Variants in NAV2 observed in about 807,000 individuals in gnomAD.
The protein encoded by NAV2 is helicase, APC down-regulated 1.
Under a neutral mutation model 223.2 loss-of-function variants are expected in NAV2, and 54 were observed. The observed-to-expected ratio is 0.24, with a 90% CI of 0.19 to 0.30. The LOEUF (loss-of-function observed/expected upper bound fraction) is 0.30. Among genes scored for constraint, NAV2 ranks in the 10% least tolerant of loss-of-function variants. NAV2 has a pLI of 1.00. For synonymous variants in NAV2, 1,279 were observed against 1,239.3 expected (o/e 1.03, Z -0.67); for missense variants, 2,806 against 3,147.5 (o/e 0.89, Z 2.60).
Position 19,788,992 on chromosome 11 carries a change from T to G in NAV2, c.268-43492T>G, listed in dbSNP as rs1451177931. On this transcript the variant is annotated intron_variant, in intron 1 of 37. Coordinates refer to ENST00000349880, the MANE Select transcript of NAV2 (RefSeq NM_145117.5). ...CTTCTTGAAATATTGCTGGCTCTCATGAGGGCAAGAATCCTGCTGCAATGC... is the reference window on the plus strand; with the variant it reads ...CTTCTTGAAATATTGCTGGCTCTCAGGAGGGCAAGAATCCTGCTGCAATGC... 2.0e-5 allele frequency among the ~76,000 whole-genome samples: 3 copies of G among 152,130 alleles called. 1 individual carries two copies. The highest frequency in any genetic ancestry group is 2.9e-5 in the Non-Finnish European group (2 of 68,010).
chr11:20,046,102 A>T (rs917538515), intron 14 of NAV2, among the ~76,000 whole-genome samples: 5 of 152,158 alleles, frequency 3.3e-5, no homozygotes, highest in Non-Finnish European at 5.9e-5. Context: ...TTGGGAGGCC[A>T]AGGCGGGCAG....
intron 26 of NAV2, among the ~76,000 whole-genome samples, chr11:20,086,348 C>A (rs2060446319): frequency 6.6e-6 from 1 of 151,746 alleles, no homozygotes; most frequent in Non-Finnish European, 1.5e-5. Context: ...TGTGTCCTTC[C>A]TGTGTCCTCT....
At chr11:20,041,147 G>T (rs933873894) in intron 12 of NAV2, among the ~76,000 whole-genome samples, 3 of 152,156 alleles carry the variant, frequency 2.0e-5, no homozygotes, top group African/African-American at 7.2e-5. Flanking sequence ...AGGAGAATCT[G>T]CTGGGTATAG....
chr11:19,527,091 C>A (rs1355441152), intron 1 of NAV2, among the ~76,000 whole-genome samples: 1 of 152,038 alleles, frequency 6.6e-6, no homozygotes. Context: ...GGCTGTGTCC[C>A]CATCCAAATC....
intron 1 of NAV2, among the ~76,000 whole-genome samples, chr11:19,465,743 C>T (rs1010813468): frequency 2.6e-5 from 4 of 152,184 alleles, no homozygotes; most frequent in African/African-American, 4.8e-5. Context: ...AAAACTATCC[C>T]GTAATGTAGG....
intron 1 of NAV2, among the ~76,000 whole-genome samples, chr11:19,472,066 A>G (rs1374136894): frequency 1.3e-5 from 2 of 152,180 alleles, no homozygotes; most frequent in East Asian, 1.9e-4. Flanking sequence ...TCTTAGCTTC[A>G]TTACTCCTGT....
intron 1 of NAV2, among the ~76,000 whole-genome samples, chr11:19,717,176 T>G (rs1222494233): frequency 1.3e-5 from 2 of 152,188 alleles, no homozygotes; most frequent in Non-Finnish European, 2.9e-5. Flanking sequence ...TCCAGCAAGG[T>G]TGGTCTGGCT....
intron 1 of NAV2, among the ~76,000 whole-genome samples, chr11:19,674,857 G>T (rs2048671981): frequency 6.6e-6 from 1 of 152,170 alleles, no homozygotes. Context: ...CACCTCCCTG[G>T]GTTCAAATCT....
At chr11:19,503,806 A>G (rs2043035318) in intron 1 of NAV2, 1 of 152,250 alleles carries the variant, frequency 6.6e-6, no homozygotes, top group Non-Finnish European at 1.5e-5. Flanking sequence ...TTTGAGGTGA[A>G]TGTCAAGGAA....
chr11:19,355,775 C>T lies in NAV2; in HGVS notation c.75+4748C>T, dbSNP rs144992349. Among the ~76,000 whole-genome samples, 87 of 152,316 alleles carry T rather than the reference C, an allele frequency of 5.7e-4. 2 individuals are homozygous for T. Among genetic ancestry groups the T allele is most frequent in the African/African-American group, 2.0e-3 (84 of 41,564 alleles). On this transcript the variant is annotated intron_variant, in intron 1 of 37. Coordinates refer to the NAV2 transcript ENST00000360655. ...TACAGATGTTTTGTTTACCCGGGAA[C>T]AATGCCCATGTCATTCAGCAAGTCA... is the stretch of plus-strand genomic sequence containing the variant.
chr11:19,466,219 G>A (rs899252495), intron 1 of NAV2, among the ~76,000 whole-genome samples: 2 of 152,240 alleles, frequency 1.3e-5, no homozygotes, highest in African/African-American at 4.8e-5. Flanking sequence ...CCAAGGGAAT[G>A]GGTTGGATAT....
chr11:20,012,810 T>A (rs979513089), intron 11 of NAV2, among the ~76,000 whole-genome samples: 12 of 152,126 alleles, frequency 7.9e-5, no homozygotes, highest in African/African-American at 2.7e-4. Flanking sequence ...CAATTACCAG[T>A]CTCAAGGCAA....
chr11:19,740,629 A>G (rs10766586), intron 1 of NAV2, among the ~76,000 whole-genome samples: 56,664 of 152,120 alleles, frequency 0.37, 11,539 homozygotes, highest in Middle Eastern at 0.49. Context: ...AGATTTACTG[A>G]TATTTTGCAG....
intron 1 of NAV2, among the ~76,000 whole-genome samples, chr11:19,487,431 C>T (rs1177421448): frequency 6.6e-6 from 1 of 152,182 alleles, no homozygotes; most frequent in Non-Finnish European, 1.5e-5. Context: ...TATTGACTTG[C>T]TTCTAACTTG....
chr11:20,005,253 ATTT>A (rs35999844), intron 11 of NAV2, among the ~76,000 whole-genome samples: 194 of 134,276 alleles, frequency 1.4e-3, no homozygotes, highest in Middle Eastern at 3.8e-3. Context: ...ATATATATAT[ATTT>A]TTTTTTTTTT....
chr11:19,525,877 G>A (rs748009969), intron 1 of NAV2, among the ~76,000 whole-genome samples: 1 of 152,032 alleles, frequency 6.6e-6, no homozygotes, highest in Non-Finnish European at 1.5e-5. Flanking sequence ...TGCTGAGATT[G>A]GTAGTTCAGA....
chr11:19,404,993 C>A (rs896550039), intron 1 of NAV2, among the ~76,000 whole-genome samples: 1 of 152,152 alleles, frequency 6.6e-6, no homozygotes, highest in Admixed American at 6.5e-5. Context: ...TTATACGAGG[C>A]AGTGTACAAG....
chr11:19,739,906 C>A (rs780790802), intron 1 of NAV2, among the ~76,000 whole-genome samples: 1 of 152,144 alleles, frequency 6.6e-6, no homozygotes, highest in African/African-American at 2.4e-5. Flanking sequence ...GCTCAGAACC[C>A]AGCTTTCATG....
chr11:20,019,186 G>A lies in NAV2; in HGVS notation c.2769-16773G>A, dbSNP rs574115278. 4.5e-4 allele frequency among the ~76,000 whole-genome samples: 69 copies of A among 152,280 alleles called. 1 individual carries two copies. The highest frequency in any genetic ancestry group is 1.5e-3 in the African/African-American group (63 of 41,564). The stretch of plus-strand genomic sequence containing the variant: ...GGCATGAGGGAAGGCTGAGCGACCC[G>A]GGAGGTGTCTGTTGCAGGAAAGAGA... On this transcript the variant is annotated intron_variant, in intron 11 of 37. Transcript: ENST00000349880.
Sources: allele counts gnomAD v4.1 joint callset (sites outside exome capture counted in the v4.1 genomes callset), GRCh38; gene constraint gnomAD v4.1.1; transcripts MANE v1.5; gene names NCBI Gene and HGNC (gene_info 2026-07-23, HGNC 2026-07-21).